The following SDK1 variants were observed in gnomAD, a reference collection of about 807,000 sequenced individuals.
SDK1 encodes the protein sidekick cell adhesion molecule 1, also known as protein sidekick-1.
A neutral mutation model predicts 245.5 loss-of-function variants in SDK1; 157 were observed. That is an observed-to-expected ratio of 0.64 (90% confidence interval 0.56 to 0.73). The LOEUF (loss-of-function observed/expected upper bound fraction) is 0.73, where lower values mean the gene tolerates loss of function less well. Ranked by LOEUF, SDK1 falls within the 30% of genes least tolerant of loss-of-function variation. SDK1 has a pLI of 0.00. For synonymous variants in SDK1, 1,647 were observed against 1,278.5 expected, an observed-to-expected ratio of 1.29 and a Z score of -6.15; for missense variants, 3,583 against 3,002.3, an observed-to-expected ratio of 1.19 and a Z score of -4.52.
intron 12 of SDK1, among the ~76,000 whole-genome samples, chr7:3,974,034 A>G (rs1307255360): frequency 6.6e-6 from 1 of 151,874 alleles, no homozygotes; most frequent in Non-Finnish European, 1.5e-5. Context: ...ATACAAAAAA[A>G]TTAGCCAAGC....
At chr7:3,501,117 A>C (rs1181552758) in intron 1 of SDK1, among the ~76,000 whole-genome samples, 1 of 152,204 alleles carries the variant, frequency 6.6e-6, no homozygotes, top group Non-Finnish European at 1.5e-5. Flanking sequence ...AGACTAAAAC[A>C]TTGAAAGTCT....
chr7:3,979,814 C>A (rs1223959820), intron 13 of SDK1, among the ~76,000 whole-genome samples: 1 of 152,156 alleles, frequency 6.6e-6, no homozygotes. Flanking sequence ...ACCAGAGGGA[C>A]CAGGCTCCTA....
At chr7:3,557,232 C>G (rs1228379869) in intron 1 of SDK1, among the ~76,000 whole-genome samples, 1 of 151,972 alleles carries the variant, frequency 6.6e-6, no homozygotes, top group Non-Finnish European at 1.5e-5. Context: ...AAAGAGGACA[C>G]AAATCTGTAA....
At chr7:3,515,344 C>G (rs1478926262) in intron 1 of SDK1, among the ~76,000 whole-genome samples, 1 of 152,092 alleles carries the variant, frequency 6.6e-6, no homozygotes, top group Non-Finnish European at 1.5e-5. Flanking sequence ...TAAGGCTGAC[C>G]AGCAAGACTT....
At chr7:3,437,212 C>G (rs1780054248) in intron 1 of SDK1, among the ~76,000 whole-genome samples, 1 of 152,048 alleles carries the variant, frequency 6.6e-6, no homozygotes, top group Non-Finnish European at 1.5e-5. Context: ...AAAAATATGT[C>G]TGAAAACCTG....
intron 2 of SDK1, among the ~76,000 whole-genome samples, chr7:3,626,161 A>C (rs943620189): frequency 2.0e-5 from 3 of 151,592 alleles, no homozygotes; most frequent in Admixed American, 2.0e-4. Context: ...CCTAGTCTTG[A>C]ACTCCTGGTC....
intron 1 of SDK1, among the ~76,000 whole-genome samples, chr7:3,546,777 A>G (rs1779238733): frequency 1.3e-5 from 2 of 152,304 alleles, no homozygotes; most frequent in African/African-American, 4.8e-5. Context: ...AATCTCTCAT[A>G]TTAGTGCATT....
intron 1 of SDK1, among the ~76,000 whole-genome samples, chr7:3,602,628 C>T (rs1781288284): frequency 6.6e-6 from 1 of 151,478 alleles, no homozygotes. Context: ...GTGTAGGTTC[C>T]CTGTTCACTC....
At position 3,389,760 on chromosome 7, in the gene SDK1, A is replaced by AAC. The variant is rs1781701091; in HGVS notation, c.298+87877_298+87878insCA. On this transcript the variant is annotated intron_variant, in intron 1 of 44. Transcript: ENST00000404826. ...ACAGCCTGGGCAACAGAAATAAACA[A>AAC]AAACAAAAAACTAACGTGGAAGTTG... Among the ~76,000 whole-genome samples, 16 of 141,548 alleles carry AAC rather than the reference A, an allele frequency of 1.1e-4. No individual in the cohort carries two copies. In the South Asian group the frequency reaches 3.7e-3, roughly 33 times the overall value. The allele number at this position is 141,548 out of a possible 152,430, so 92.9% of individuals were successfully genotyped here.
At chr7:4,178,916 C>G (rs148847718) in intron 35 of SDK1, among the ~76,000 whole-genome samples, 1 of 152,338 alleles carries the variant, frequency 6.6e-6, no homozygotes, top group Non-Finnish European at 1.5e-5. Flanking sequence ...GAAATGGAAC[C>G]TCGTTATCTG....
intron 11 of SDK1, 23 bp from the exon 12 acceptor site, chr7:3,971,443 C>A: frequency 6.5e-7 from 1 of 1,549,364 alleles, no homozygotes; most frequent in African/African-American, 1.4e-5. Flanking sequence ...TTTCGTCTGA[C>A]TCGTGACTTG....
At chr7:4,180,640 G>A (rs1247909973) in intron 35 of SDK1, among the ~76,000 whole-genome samples, 2 of 152,328 alleles carry the variant, frequency 1.3e-5, no homozygotes, top group Admixed American at 6.5e-5. Flanking sequence ...AAGAAAAGAC[G>A]TTTACTTGGC....
intron 4 of SDK1, among the ~76,000 whole-genome samples, chr7:3,659,390 C>A (rs1389707729): frequency 6.6e-6 from 1 of 152,138 alleles, no homozygotes; most frequent in South Asian, 2.1e-4. Context: ...TGAAAGAAAA[C>A]CCTGTCCACA....
At chr7:3,547,412 G>A (rs1321919932) in intron 1 of SDK1, among the ~76,000 whole-genome samples, 1 of 152,178 alleles carries the variant, frequency 6.6e-6, no homozygotes, top group Non-Finnish European at 1.5e-5. Flanking sequence ...GATAGATTGA[G>A]CTCTAGACAG....
At chr7:4,062,160 G>A (rs998789388) in intron 19 of SDK1, among the ~76,000 whole-genome samples, 1 of 151,862 alleles carries the variant, frequency 6.6e-6, no homozygotes, top group Non-Finnish European at 1.5e-5. Context: ...CAATACAAAT[G>A]GTTAAACAAA....
intron 44 of SDK1, among the ~76,000 whole-genome samples, chr7:4,254,340 C>A (rs924779571): frequency 9.2e-5 from 14 of 152,116 alleles, no homozygotes; most frequent in African/African-American, 3.4e-4. Flanking sequence ...ACTGCGTAAT[C>A]TCTATCAATC....
chr7:4,001,739 T>C (rs1192545434), intron 14 of SDK1, among the ~76,000 whole-genome samples: 2 of 152,238 alleles, frequency 1.3e-5, no homozygotes, highest in African/African-American at 2.4e-5. Flanking sequence ...TGTGGTGTTT[T>C]GTTTTAGGTA....
chr7:3,303,946 C>A (rs543527939), intron 1 of SDK1, among the ~76,000 whole-genome samples: 1 of 152,298 alleles, frequency 6.6e-6, no homozygotes, highest in Admixed American at 6.5e-5. Flanking sequence ...ATAGTTACCA[C>A]TACGTTGGAG....
intron 4 of SDK1, among the ~76,000 whole-genome samples, chr7:3,751,429 C>G (rs541852675): frequency 1.8e-5 from 2 of 112,704 alleles, no homozygotes; most frequent in East Asian, 5.7e-4. Flanking sequence ...AACCAGAGGA[C>G]AAGATAGAAG....
Sources: gnomAD v4.1 joint callset for allele counts (sites outside exome capture counted in the v4.1 genomes callset) on GRCh38, gnomAD v4.1.1 for gene constraint, MANE v1.5 for transcripts, NCBI Gene and HGNC (gene_info 2026-07-23, HGNC 2026-07-21) for gene names.